The following SYT2 variants were observed in gnomAD, a reference collection of about 807,000 sequenced individuals.
SYT2 encodes the protein synaptotagmin 2.
Under a neutral mutation model 39.9 loss-of-function variants are expected in SYT2, and 15 were observed. The ratio of observed to expected loss-of-function variants is 0.38; its 90% CI spans 0.25 to 0.58. The LOEUF is 0.58. Ranked by LOEUF, SYT2 falls within the 20% of genes least tolerant of loss-of-function variation. The probability of loss-of-function intolerance (pLI) is 0.70; values close to 1 mark genes in which losing one functional copy is unlikely to be tolerated. For synonymous variants in SYT2, 181 were observed against 204.5 expected, an observed-to-expected ratio of 0.89 and a Z score of 0.98; for missense variants, 389 against 530.3, an observed-to-expected ratio of 0.73 and a Z score of 2.62.
chr1:202,677,418 A>G (rs941893054), intron 1 of SYT2, among the ~76,000 whole-genome samples: 22 of 152,224 alleles, frequency 1.4e-4, no homozygotes, highest in Non-Finnish European at 2.6e-4. Context: ...TTGTTCTCTT[A>G]GGCACTTATT....
chr1:202,685,748 AG>A (rs1653647612), intron 1 of SYT2, among the ~76,000 whole-genome samples: 1 of 152,308 alleles, frequency 6.6e-6, no homozygotes, highest in African/African-American at 2.4e-5. Context: ...AGCATATTTC[AG>A]GGCAAATTTC....
chr1:202,604,408 C>A lies in SYT2; in HGVS notation c.345+47G>T, dbSNP rs200405004. Reference sequence around the variant, plus strand: ...GCTTCCCCTTTCAGCATCAGGAAAGCCTGGGCTGAGCCCCTTCCAGTCCCC... The same window carrying A: ...GCTTCCCCTTTCAGCATCAGGAAAGACTGGGCTGAGCCCCTTCCAGTCCCC... On this transcript the variant is annotated intron_variant, in intron 3 of 8. Coordinates refer to ENST00000367268, the MANE Select transcript of SYT2 (RefSeq NM_177402.5). 235 of 1,592,914 alleles carry A rather than the reference C, an allele frequency of 1.5e-4. 1 individual carries two copies. The African/African-American group carries it at 2.9e-3, about 20-fold the overall frequency.
chr1:202,671,408 C>T (rs1692588270), intron 1 of SYT2, among the ~76,000 whole-genome samples: 1 of 152,194 alleles, frequency 6.6e-6, no homozygotes, highest in Non-Finnish European at 1.5e-5. Flanking sequence ...GGAATTTAGG[C>T]CGTCAAGATC....
In SYT2 at chr1:202,604,449, C is replaced by T. The variant is rs1340992494; in HGVS notation, c.345+6G>A. 3 of 1,613,788 alleles carry T rather than the reference C, an allele frequency of 1.9e-6. No individual in the cohort carries two copies. Among genetic ancestry groups the T allele is most frequent in the Non-Finnish European group, 2.5e-6 (3 of 1,179,736 alleles). ...TCCAGTCCCCCTCACAACCAATGTG[C>T]CCTACCTGACCCCCTTTCATGTCCT... On this transcript the variant is annotated splice_donor_region_variant and intron_variant, in intron 3 of 8. Transcript: ENST00000367268.
chr1:202,708,856 G>C (rs569707268), intron 1 of SYT2, among the ~76,000 whole-genome samples: 1 of 152,348 alleles, frequency 6.6e-6, no homozygotes, highest in Admixed American at 6.5e-5. Context: ...GATGTTTCTA[G>C]CAGCCCCAAA....
chr1:202,680,968 C>G (rs1442001470), intron 1 of SYT2, among the ~76,000 whole-genome samples: 2 of 152,204 alleles, frequency 1.3e-5, no homozygotes, highest in African/African-American at 4.8e-5. Flanking sequence ...TTCCCCATCA[C>G]TGCTTCTACC....
At chr1:202,692,429 C>T (rs1653860211) in intron 1 of SYT2, among the ~76,000 whole-genome samples, 1 of 152,186 alleles carries the variant, frequency 6.6e-6, no homozygotes, top group Admixed American at 6.5e-5. Flanking sequence ...AACATTTCAA[C>T]AAGCTGGAGA....
chr1:202,707,527 A>G (rs1051824185), intron 1 of SYT2, among the ~76,000 whole-genome samples: 7 of 152,278 alleles, frequency 4.6e-5, no homozygotes, highest in African/African-American at 1.7e-4. Context: ...CCCAAAGCCA[A>G]GTGAAGTAGT....
chr1:202,660,130 G>A (rs1306634289), intron 1 of SYT2, among the ~76,000 whole-genome samples: 2 of 152,200 alleles, frequency 1.3e-5, no homozygotes, highest in African/African-American at 2.4e-5. Context: ...ACAAGGGGCT[G>A]GGTTCTGAGG....
intron 1 of SYT2, among the ~76,000 whole-genome samples, chr1:202,682,650 C>G (rs1267452694): frequency 6.6e-6 from 1 of 152,048 alleles, no homozygotes; most frequent in Admixed American, 6.5e-5. Flanking sequence ...TGGGTGAACT[C>G]CTAAACAACT....
Position 202,605,679 on chromosome 1 carries a change from C to G in SYT2, c.94G>C (p.Glu32Gln). 1 of 1,614,020 alleles carries G rather than the reference C, an allele frequency of 6.2e-7. No homozygotes were observed. Among genetic ancestry groups the G allele is most frequent in the Non-Finnish European group, 8.5e-7 (1 of 1,179,884 alleles). The change falls in exon 2 of 9, where the codon GAG becomes CAG. Residue 32 changes from glutamate (E) to glutamine (Q), a missense_variant. This residue lies in a region of SYT2 where 280 missense variants were observed against 335.6 expected (regional missense o/e 0.83). Transcript: ENST00000367268. ...MPIGPVDNST[E>Q]SGGAGESQED... Reference sequence around the variant, plus strand: ...TGGCTCTCCCCAGCACCCCCACTCTCAGTGGAGTTGTCCACGGGTCCAATG... The same window carrying G: ...TGGCTCTCCCCAGCACCCCCACTCTGAGTGGAGTTGTCCACGGGTCCAATG...
chr1:202,691,502 T>A (rs1028210396), intron 1 of SYT2, among the ~76,000 whole-genome samples: 2 of 151,744 alleles, frequency 1.3e-5, no homozygotes, highest in Non-Finnish European at 2.9e-5. Flanking sequence ...CTTAAAAAAC[T>A]AGCCACATGC....
intron 1 of SYT2, among the ~76,000 whole-genome samples, chr1:202,680,294 G>C (rs1653491786): frequency 1.3e-5 from 2 of 152,276 alleles, no homozygotes; most frequent in Non-Finnish European, 2.9e-5. Flanking sequence ...ACCAGTTTCT[G>C]CCCCTAGGAG....
chr1:202,612,620 G>T (rs967371900), intron 1 of SYT2, among the ~76,000 whole-genome samples: 2 of 152,154 alleles, frequency 1.3e-5, no homozygotes, highest in Non-Finnish European at 2.9e-5. Context: ...ACCTGCCTTG[G>T]CTTCCCAAAG....
chr1:202,709,990 A>C (rs1000770397), intron 1 of SYT2, among the ~76,000 whole-genome samples: 2 of 151,306 alleles, frequency 1.3e-5, no homozygotes, highest in African/African-American at 4.9e-5. Context: ...CCGCGGGAGG[A>C]AATCTGCCCC....
chr1:202,602,191 G>A lies in SYT2; in HGVS notation c.634-134C>T, dbSNP rs1690529152. On this transcript the variant is annotated intron_variant, in intron 5 of 8. Coordinates refer to ENST00000367268, the MANE Select transcript of SYT2 (RefSeq NM_177402.5). ...GAGACAGACAAAGACCAAGGCTTTT[G>A]GGGAGCAGAGTGTGAGGGTGGGGTG... The A allele has an allele frequency of 1.6e-5, 19 of 1,186,618 alleles. No individual in the cohort carries two copies. The Admixed American group carries it at 4.1e-4, about 25-fold the overall frequency. The allele number at this position is 1,186,618 out of a possible 1,614,324, so 73.5% of individuals were successfully genotyped here. A position where few individuals can be genotyped will look rare whatever the true frequency, so the allele number is the denominator to read the frequency against.
At position 202,604,277 on chromosome 1, in the gene SYT2, C is replaced by G. The variant is rs545557580; in HGVS notation, c.345+178G>C. On this transcript the variant is annotated intron_variant, in intron 3 of 8. Coordinates refer to ENST00000367268, the MANE Select transcript of SYT2 (RefSeq NM_177402.5). ...ATGCTAACACAGGAATAAGGCCCCCCCCTCCCAGGGGCCTCCAGGTAGACG... is the reference window on the plus strand; with the variant it reads ...ATGCTAACACAGGAATAAGGCCCCCGCCTCCCAGGGGCCTCCAGGTAGACG... 107 of 651,984 alleles carry G rather than the reference C, an allele frequency of 1.6e-4. No homozygotes were observed. In the South Asian group the frequency reaches 1.8e-3, roughly 11 times the overall value. 40.4% of individuals were successfully genotyped at this position (651,984 alleles called of 1,614,324 possible).
chr1:202,651,503 A>C (rs1295371165), intron 1 of SYT2, among the ~76,000 whole-genome samples: 1 of 152,122 alleles, frequency 6.6e-6, no homozygotes, highest in Non-Finnish European at 1.5e-5. Context: ...GAATTCATTG[A>C]CTCATAAATC....
At position 202,603,060 on chromosome 1, in the gene SYT2, T is replaced by G; in HGVS notation, c.404A>C (p.Lys135Thr). The change falls in exon 4 of 9, where the codon AAA becomes ACA. Residue 135 changes from lysine (K) to threonine (T), a missense_variant. By Grantham distance (78) the Lys-to-Thr change is moderately conservative (BLOSUM62 -1). This residue lies in a region of SYT2 where 280 missense variants were observed against 335.6 expected (regional missense o/e 0.83). Coordinates refer to ENST00000367268, the MANE Select transcript of SYT2 (RefSeq NM_177402.5). ...CAGTTTGCCCAGGTTCTCTGGCTCT[T>G]TCTCCTCCTCCCCTTCACCTTCCCC... is the stretch of plus-strand genomic sequence containing the variant. ...TEGEGEGEEE[K>T]EPENLGKLQF... The G allele has an allele frequency of 6.2e-7, 1 of 1,614,054 alleles. No homozygotes were observed.
Sources: allele counts gnomAD v4.1 joint callset (sites outside exome capture counted in the v4.1 genomes callset), GRCh38; gene constraint gnomAD v4.1.1; regional missense constraint gnomAD v4.1.1; transcripts MANE v1.5; gene names NCBI Gene and HGNC (gene_info 2026-07-23, HGNC 2026-07-21).